The following PCLO variants were observed in gnomAD, a reference collection of about 807,000 sequenced individuals.
PCLO encodes protein piccolo.
PCLO carries 82 observed loss-of-function variants against 427.5 expected under a neutral mutation model. The observed-to-expected ratio is 0.19, with a 90% CI of 0.16 to 0.23. The LOEUF is 0.23. Ranked by LOEUF, PCLO falls within the 10% of genes least tolerant of loss-of-function variation. The pLI is 1.00. For missense variants in PCLO, 6,239 were observed against 6,115.9 expected, an observed-to-expected ratio of 1.02 and a Z score of -0.67; for synonymous variants, 2,357 against 2,155.4, an observed-to-expected ratio of 1.09 and a Z score of -2.59.
In PCLO at chr7:82,999,864, AAATAT is replaced by A. The variant is rs1417029262; in HGVS notation, c.3301-33382_3301-33378del. Among the ~76,000 whole-genome samples, 12 of 77,292 alleles carry A rather than the reference AAATAT, an allele frequency of 1.6e-4. 3 individuals are homozygous for A. The highest frequency in any genetic ancestry group is 9.5e-4 in the South Asian group (2 of 2,116). 50.7% of individuals were successfully genotyped at this position (77,292 alleles called of 152,430 possible). On this transcript the variant is annotated intron_variant, in intron 3 of 24. Transcript: ENST00000333891. ...AAAATATAATATATAATATTATATAAAATATAATATATAATATTATATATAATATA... is the reference window on the plus strand; with the variant it reads ...AAAATATAATATATAATATTATATAAAATATATAATATTATATATAATATA...
chr7:82,807,953 GTAGT>G (rs1379335435), intron 20 of PCLO, among the ~76,000 whole-genome samples: 2 of 151,930 alleles, frequency 1.3e-5, no homozygotes, highest in African/African-American at 2.4e-5. Context: ...CCCAGATGGT[GTAGT>G]TAGTGTTAAA....
intron 3 of PCLO, among the ~76,000 whole-genome samples, chr7:82,988,343 T>C (rs1362146408): frequency 2.0e-5 from 3 of 152,112 alleles, no homozygotes; most frequent in East Asian, 3.9e-4. Context: ...ATTTTAAAGA[T>C]AGAAAATAAT....
intron 3 of PCLO, among the ~76,000 whole-genome samples, chr7:83,083,049 A>C (rs1790143166): frequency 7.1e-6 from 1 of 141,278 alleles, no homozygotes; most frequent in African/African-American, 2.8e-5. Context: ...ACACTGATAC[A>C]ATCAACTATT....
chr7:82,808,603 T>A (rs1004259468), intron 20 of PCLO, among the ~76,000 whole-genome samples: 16 of 151,890 alleles, frequency 1.1e-4, no homozygotes, highest in African/African-American at 3.9e-4. Context: ...ACAAATAACA[T>A]TTTATAAGAA....
chr7:82,954,065 A>G lies in PCLO; in HGVS notation c.6888T>C (p.Ser2296=). 1 of 1,613,782 alleles carries G rather than the reference A, an allele frequency of 6.2e-7. No individual in the cohort carries two copies. The highest frequency in any genetic ancestry group is 8.5e-7 in the Non-Finnish European group (1 of 1,179,840). The change falls in exon 5 of 25, where the codon TCT becomes TCC. Residue 2296 remains serine (S), a synonymous_variant. Transcript: ENST00000333891. The part of the protein sequence containing the change: ...ADTVSTDLLI[S]EKDPVKKAKK... The stretch of plus-strand genomic sequence containing the variant: ...TGGCTTTCTTCACTGGGTCCTTTTC[A>G]GATATAAGTAAGTCAGTAGAAACAG...
intron 3 of PCLO, among the ~76,000 whole-genome samples, chr7:82,991,614 G>GTA (rs1344705620): frequency 1.3e-5 from 2 of 152,108 alleles, no homozygotes; most frequent in African/African-American, 4.8e-5. Context: ...AGAATGGGAA[G>GTA]TATATGTAAA....
intron 7 of PCLO, among the ~76,000 whole-genome samples, chr7:82,910,201 G>C (rs1794289536): frequency 6.6e-6 from 1 of 151,994 alleles, no homozygotes; most frequent in African/African-American, 2.4e-5. Flanking sequence ...TGAAACTCCA[G>C]CTTCTAGAAT....
intron 3 of PCLO, among the ~76,000 whole-genome samples, chr7:83,044,724 T>G (rs1028131160): frequency 6.6e-6 from 1 of 152,114 alleles, no homozygotes; most frequent in African/African-American, 2.4e-5. Context: ...TTGCATACTT[T>G]GGAACACTAA....
At chr7:83,085,800 T>C (rs1463836003) in intron 3 of PCLO, among the ~76,000 whole-genome samples, 1 of 151,736 alleles carries the variant, frequency 6.6e-6, no homozygotes, top group African/African-American at 2.4e-5. Context: ...GTTAATTTTG[T>C]ATGCTATTTT....
Position 82,755,474 on chromosome 7 carries a change from CTG to C in PCLO, c.*3099_*3100del, listed in dbSNP as rs1365695271. On this transcript the variant is annotated 3_prime_UTR_variant, in exon 25 of 25. Transcript: ENST00000333891. ...CCCTGTCTTTTGTAAAAAATTCACT[CTG>C]TGCTTTTGTTTCTACAGCCGAAAGT... The C allele has an allele frequency of 6.6e-6, 1 of 152,044 alleles. No individual in the cohort carries two copies. Among genetic ancestry groups the C allele is most frequent in the African/African-American group, 2.4e-5 (1 of 41,418 alleles). The allele number at this position is 152,044 out of a possible 1,614,324, so 9.4% of individuals were successfully genotyped here. A position where few individuals can be genotyped will look rare whatever the true frequency, so the allele number is the denominator to read the frequency against.
In PCLO at chr7:82,952,772, T is replaced by C. The variant is rs768300173; in HGVS notation, c.8181A>G (p.Val2727=). 2.5e-6 allele frequency: 4 copies of C among 1,613,570 alleles called. No individual in the cohort carries two copies. The Admixed American group carries it at 6.7e-5, about 27-fold the overall frequency. ...EDGKLQLVGD[V]IDLRTVPKVE... ...CCTTTGGTACTGTACGCAAATCAATTACATCACCAACAAGTTGCAATTTTC... is the reference window on the plus strand; with the variant it reads ...CCTTTGGTACTGTACGCAAATCAATCACATCACCAACAAGTTGCAATTTTC... The change falls in exon 5 of 25, where the codon GTA becomes GTG. Residue 2727 remains valine (V), a synonymous_variant. Transcript: ENST00000333891.
chr7:83,123,956 CAA>C (rs71074625), intron 3 of PCLO, among the ~76,000 whole-genome samples: 359 of 29,052 alleles, frequency 0.012, 4 homozygotes, highest in African/African-American at 0.04. Flanking sequence ...AACTCTGTCT[CAA>C]AAAAAAAAAA....
At position 82,951,345 on chromosome 7, in the gene PCLO, A is replaced by C. The variant is rs943461590; in HGVS notation, c.9243T>G (p.Val3081=). The C allele has an allele frequency of 1.2e-6, 2 of 1,609,122 alleles. No individual in the cohort carries two copies. The highest frequency in any genetic ancestry group is 2.7e-5 in the African/African-American group (2 of 74,830). The change falls in exon 6 of 25, where the codon GTT becomes GTG. Residue 3081 remains valine, a synonymous_variant. Transcript: ENST00000333891. Reference sequence around the variant, plus strand: ...AGACAACACCATTAGATGACCTCAAAACACTCCCCACACAATACTGGGGTC... The same window carrying C: ...AGACAACACCATTAGATGACCTCAACACACTCCCCACACAATACTGGGGTC... The part of the protein sequence containing the change: ...PPGPQYCVGS[V]LRSSNGVVYS...
At chr7:82,845,850 CTCTAAGGGGAAAATTT>C (rs1200101954) in intron 12 of PCLO, among the ~76,000 whole-genome samples, 1 of 151,912 alleles carries the variant, frequency 6.6e-6, no homozygotes, top group Non-Finnish European at 1.5e-5. Flanking sequence ...ATAGTTCTTT[CTCTAAGGGGAAAATTT>C]TCTAAGGGGA....
chr7:82,819,947 T>G (rs116336437), intron 20 of PCLO, among the ~76,000 whole-genome samples: 1 of 152,190 alleles, frequency 6.6e-6, no homozygotes, highest in African/African-American at 2.4e-5. Context: ...TTTTAATATG[T>G]GCTTTTGAAT....
chr7:82,898,040 A>T (rs1379628463), intron 9 of PCLO, among the ~76,000 whole-genome samples: 1 of 151,588 alleles, frequency 6.6e-6, no homozygotes, highest in Non-Finnish European at 1.5e-5. Context: ...TTTATTAAAA[A>T]TAACTATTTG....
chr7:82,946,865 G>A (rs567514369), intron 6 of PCLO, among the ~76,000 whole-genome samples: 27 of 152,294 alleles, frequency 1.8e-4, no homozygotes, highest in African/African-American at 4.6e-4. Context: ...TTAGAGAACT[G>A]ATGGCAGTAA....
chr7:82,972,962 G>T (rs1795937983), intron 3 of PCLO, among the ~76,000 whole-genome samples: 1 of 151,944 alleles, frequency 6.6e-6, no homozygotes, highest in African/African-American at 2.4e-5. Context: ...CGGCAATATG[G>T]TGTTCTATTC....
chr7:83,029,382 A>G (rs1788598242), intron 3 of PCLO, among the ~76,000 whole-genome samples: 1 of 150,604 alleles, frequency 6.6e-6, no homozygotes, highest in African/African-American at 2.4e-5. Context: ...ACTGGCCATC[A>G]GAGAAATGCA....
Sources: allele counts gnomAD v4.1 joint callset (sites outside exome capture counted in the v4.1 genomes callset), GRCh38; gene constraint gnomAD v4.1.1; transcripts MANE v1.5; gene names NCBI Gene and HGNC (gene_info 2026-07-23, HGNC 2026-07-21).